The following PRM2 variants were observed in gnomAD, a reference collection of about 807,000 sequenced individuals.
PRM2 encodes the protein protamine-2.
PRM2 carries 6 observed loss-of-function variants against 10.7 expected under a neutral mutation model. That is an observed-to-expected ratio of 0.56 (90% confidence interval 0.31 to 1.11). The LOEUF is 1.11. PRM2 is among the 50% of genes least tolerant of loss of function. PRM2 has a pLI of 0.06. For missense variants in PRM2, 194 were observed against 147.7 expected, an observed-to-expected ratio of 1.31 and a Z score of -1.62; for synonymous variants, 64 against 54.8, an observed-to-expected ratio of 1.17 and a Z score of -0.74.
Position 11,275,731 on chromosome 16 carries a change from A to AT in PRM2, c.*168dup, listed in dbSNP as rs2069844585. ...CGGCAACTCAGGGCTTGAGCATTTG[A>AT]TGTAGGGGAGTTGCTATGGCCTCAC... On this transcript the variant is annotated 3_prime_UTR_variant, in exon 2 of 2. Transcript: ENST00000241808. 2.7e-6 allele frequency: 4 copies of AT among 1,489,618 alleles called. No individual in the cohort carries two copies. In the Admixed American group the frequency reaches 5.9e-5, roughly 22 times the overall value. 92.3% of individuals were successfully genotyped at this position (1,489,618 alleles called of 1,614,324 possible).
rs79674436 is a variant in PRM2 at position 11,275,839 on chromosome 16, C to G, written c.*61G>C. On this transcript the variant is annotated 3_prime_UTR_variant, in exon 2 of 2. Coordinates refer to ENST00000241808, the MANE Select transcript of PRM2 (RefSeq NM_002762.4). ...TGATGTAGGGGAATTGCTATGGCCT[C>G]ACTTGGTGTTTCGGGCGACTTTTTC... 21,174 of 1,612,302 alleles carry G rather than the reference C, an allele frequency of 0.013. 163 individuals carry two copies. The highest frequency in any genetic ancestry group is 0.016 in the Non-Finnish European group (18,332 of 1,179,588).
rs1477353812 is a variant in PRM2, at chr16:11,276,095, C to G, written c.271+5G>C. 2 of 1,607,840 alleles carry G rather than the reference C, an allele frequency of 1.2e-6. No individual in the cohort carries two copies. Among genetic ancestry groups the G allele is most frequent in the South Asian group, 2.2e-5 (2 of 90,840 alleles). ...ATGCAGGGCAAGGCGGGGGCGCAGGCAGACCTCTGCGATGCCTCCTCCGGT... is the reference window on the plus strand; with the variant it reads ...ATGCAGGGCAAGGCGGGGGCGCAGGGAGACCTCTGCGATGCCTCCTCCGGT... On this transcript the variant is annotated splice_donor_5th_base_variant and intron_variant, in intron 1 of 1. Coordinates refer to ENST00000241808, the MANE Select transcript of PRM2 (RefSeq NM_002762.4).
Position 11,276,427 on chromosome 16 carries a change from G to T in PRM2, c.-57C>A, listed in dbSNP as rs1044040346. The T allele has an allele frequency of 1.9e-6, 3 of 1,603,692 alleles. No homozygotes were observed. The highest frequency in any genetic ancestry group is 2.6e-6 in the Non-Finnish European group (3 of 1,174,726). ...AGGCTGCAGTGGGCCCTGGAGTAGG[G>T]GAGGAGGGCGGAGGCCTGCCCACCT... On this transcript the variant is annotated 5_prime_UTR_variant, in exon 1 of 2. Coordinates refer to ENST00000241808, the MANE Select transcript of PRM2 (RefSeq NM_002762.4).
rs368395689 is a variant in PRM2 at position 11,276,353 on chromosome 16, C to A, written c.18G>T (p.Val6=). 61 of 1,614,116 alleles carry A rather than the reference C, an allele frequency of 3.8e-5. No homozygotes were observed. Among genetic ancestry groups the A allele is most frequent in the Non-Finnish European group, 5.2e-5 (61 of 1,180,036 alleles). The change falls in exon 1 of 2, where the codon GTG becomes GTT. Residue 6 remains valine, a synonymous_variant. Coordinates refer to ENST00000241808, the MANE Select transcript of PRM2 (RefSeq NM_002762.4). Reference sequence around the variant, plus strand: ...CGTGCGAGCGTTCGCTCAGGCTCCTCACGCGGTATCGGACCATGGTGTTGG... The same window carrying A: ...CGTGCGAGCGTTCGCTCAGGCTCCTAACGCGGTATCGGACCATGGTGTTGG... The part of the protein sequence containing the change: MVRYR[V]RSLSERSHEV...
In PRM2 at chr16:11,276,308, C is replaced by T. The variant is rs1597706589; in HGVS notation, c.63G>A (p.Leu21=). The stretch of plus-strand genomic sequence containing the variant: ...CGTGGTGTCCTTGCTCTTGCCCATG[C>T]AACTGCTGCCTGTACACCTCGTGCG... ...ERSHEVYRQQ[L]HGQEQGHHGQ... Residue 21 remains leucine, a synonymous_variant, in exon 1 of 2, where the codon TTG becomes TTA. Transcript: ENST00000241808. The T allele has an allele frequency of 2.5e-6, 4 of 1,614,248 alleles. No individual in the cohort carries two copies. The South Asian group carries it at 4.4e-5, about 18-fold the overall frequency.
chr16:11,276,155 G>A lies in PRM2; in HGVS notation c.216C>T (p.Arg72=), dbSNP rs748535542. 6.2e-7 allele frequency: 1 copy of A among 1,613,806 alleles called. No individual in the cohort carries two copies. The highest frequency in any genetic ancestry group is 1.7e-5 in the Admixed American group (1 of 60,034). Residue 72 remains arginine, a synonymous_variant, in exon 1 of 2, where the codon CGC becomes CGT. Coordinates refer to ENST00000241808, the MANE Select transcript of PRM2 (RefSeq NM_002762.4). ...RLHRIHRRQH[R]SCRRRKRRSC... is the part of the protein sequence containing the mutation. ...AGCGTCTTTTGCGCCTTCTGCAGGA[G>A]CGATGCTGCCGCCTGTGGATCCGGT...
chr16:11,276,070 A>T, intron 1 of PRM2, 30 bp downstream of exon 1: 1 of 1,611,226 alleles, frequency 6.2e-7, no homozygotes, highest in Non-Finnish European at 8.5e-7. Context: ...GGTCAGGGAC[A>T]TGCAGGGCAA....
At position 11,276,091 on chromosome 16, in the gene PRM2, C is replaced by A; in HGVS notation, c.271+9G>T. The A allele has an allele frequency of 6.2e-7, 1 of 1,609,748 alleles. No individual in the cohort carries two copies. Among genetic ancestry groups the A allele is most frequent in the Non-Finnish European group, 8.5e-7 (1 of 1,179,552 alleles). ...GGACATGCAGGGCAAGGCGGGGGCG[C>A]AGGCAGACCTCTGCGATGCCTCCTC... On this transcript the variant is annotated intron_variant, in intron 1 of 1. Transcript: ENST00000241808.
At position 11,276,162 on chromosome 16, in the gene PRM2, TGCC is replaced by T; in HGVS notation, c.206_208del (p.Arg69del). The T allele has an allele frequency of 2.5e-6, 4 of 1,613,948 alleles. No homozygotes were observed. Among genetic ancestry groups the T allele is most frequent in the Non-Finnish European group, 3.4e-6 (4 of 1,180,024 alleles). On this transcript the variant is annotated inframe_deletion, in exon 1 of 2. Coordinates refer to ENST00000241808, the MANE Select transcript of PRM2 (RefSeq NM_002762.4). The stretch of plus-strand genomic sequence containing the variant: ...TTTGCGCCTTCTGCAGGAGCGATGC[TGCC>T]GCCTGTGGATCCGGTGCAGCCTCCT...
Position 11,276,323 on chromosome 16 carries a change from C to T in PRM2, c.48G>A (p.Val16=). The stretch of plus-strand genomic sequence containing the variant: ...CTTGCCCATGCAACTGCTGCCTGTA[C>T]ACCTCGTGCGAGCGTTCGCTCAGGC... The part of the protein sequence containing the change: ...VRSLSERSHE[V]YRQQLHGQEQ... Residue 16 remains valine (V), a synonymous_variant, in exon 1 of 2, where the codon GTG becomes GTA. Coordinates refer to ENST00000241808, the MANE Select transcript of PRM2 (RefSeq NM_002762.4). 1 of 1,614,250 alleles carries T rather than the reference C, an allele frequency of 6.2e-7. No homozygotes were observed. The highest frequency in any genetic ancestry group is 1.3e-5 in the African/African-American group (1 of 75,076).
Position 11,276,142 on chromosome 16 carries a change from G to T in PRM2, c.229C>A (p.Arg77Ser). 4 of 1,613,416 alleles carry T rather than the reference G, an allele frequency of 2.5e-6. No individual in the cohort carries two copies. The highest frequency in any genetic ancestry group is 2.2e-5 in the East Asian group (1 of 44,886). ...HRRQHRSCRR[R>S]KRRSCRHRRR... ...CGGTGCCTGCAGGAGCGTCTTTTGC[G>T]CCTTCTGCAGGAGCGATGCTGCCGC... Residue 77 changes from arginine (R) to serine (S), a missense_variant, in exon 1 of 2, where the codon CGC (arginine) becomes AGC (serine). Coordinates refer to ENST00000241808, the MANE Select transcript of PRM2 (RefSeq NM_002762.4).
Position 11,275,930 on chromosome 16 carries a change from T to C in PRM2, c.279A>G (p.Arg93=). 6.2e-7 allele frequency: 1 copy of C among 1,614,064 alleles called. No individual in the cohort carries two copies. The highest frequency in any genetic ancestry group is 1.7e-5 in the Admixed American group (1 of 60,014). ...RHRRRHRRGC[R]TRKRTCRRH The stretch of plus-strand genomic sequence containing the variant: ...GCCTTCTGCATGTTCTCTTCCTGGT[T>C]CTGCAGCCTTTTGGGAAAGAAAGTT... The change falls in exon 2 of 2, where the codon AGA becomes AGG. Residue 93 remains arginine, a synonymous_variant. Coordinates refer to ENST00000241808, the MANE Select transcript of PRM2 (RefSeq NM_002762.4).
In PRM2 at chr16:11,276,261, C is replaced by T. The variant is rs543779964; in HGVS notation, c.110G>A (p.Ser37Asn). ...GHHGQEEQGLSPEHVEVYERT... is the reference protein window; with the variant it reads ...GHHGQEEQGLNPEHVEVYERT... ...CTCGTAGACCTCGACGTGCTCCGGGCTCAGCCCTTGCTCCTCTTGGCCGTG... is the reference window on the plus strand; with the variant it reads ...CTCGTAGACCTCGACGTGCTCCGGGTTCAGCCCTTGCTCCTCTTGGCCGTG... The change falls in exon 1 of 2, where the codon AGC becomes AAC. Residue 37 changes from serine (S) to asparagine (N), a missense_variant. Ser to Asn is a conservative substitution (Grantham distance 46). Coordinates refer to ENST00000241808, the MANE Select transcript of PRM2 (RefSeq NM_002762.4). 1.2e-6 allele frequency: 2 copies of T among 1,614,276 alleles called. No individual in the cohort carries two copies. The highest frequency in any genetic ancestry group is 2.2e-5 in the South Asian group (2 of 91,088).
Sources: allele counts gnomAD v4.1 joint callset, GRCh38; gene constraint gnomAD v4.1.1; transcripts MANE v1.5; gene names NCBI Gene and HGNC (gene_info 2026-07-23, HGNC 2026-07-21).